The following SV2C variants were observed in gnomAD, a reference collection of about 807,000 sequenced individuals.
SV2C encodes the protein solute carrier family 22 member B3.
A neutral mutation model predicts 79.7 loss-of-function variants in SV2C; 49 were observed. The observed-to-expected ratio is 0.61, with a 90% CI of 0.49 to 0.78. The LOEUF is 0.78. Ranked by LOEUF, SV2C falls within the 30% of genes least tolerant of loss-of-function variation. The probability of loss-of-function intolerance (pLI) is 0.00; values close to 1 mark genes in which losing one functional copy is unlikely to be tolerated. For synonymous variants in SV2C, 334 were observed against 333.2 expected (o/e 1.00, Z -0.03); for missense variants, 833 against 912.9 (o/e 0.91, Z 1.13).
intron 12 of SV2C, among the ~76,000 whole-genome samples, chr5:76,323,548 A>C (rs1457618507): frequency 6.6e-6 from 1 of 152,250 alleles, no homozygotes; most frequent in Non-Finnish European, 1.5e-5. Context: ...ATGTACCCAA[A>C]GGAATATAAA....
At chr5:76,270,474 T>C (rs763114496) in intron 4 of SV2C, among the ~76,000 whole-genome samples, 6 of 152,264 alleles carry the variant, frequency 3.9e-5, no homozygotes, top group Non-Finnish European at 7.4e-5. Context: ...AGCCTGAGAG[T>C]GGGCTGGAGA....
the SV2C span, among the ~76,000 whole-genome samples, chr5:75,990,423 T>C: frequency 9.2e-5 from 14 of 152,020 alleles, no homozygotes; most frequent in Non-Finnish European, 1.6e-4. Context: ...ACATTTCTCC[T>C]GCATCATGTG....
At position 76,218,891 on chromosome 5, in the gene SV2C, GGGA is replaced by G. The variant is rs1272189696; in HGVS notation, c.913+9008_913+9010del. On this transcript the variant is annotated intron_variant, in intron 4 of 12. Coordinates refer to ENST00000502798, the MANE Select transcript of SV2C (RefSeq NM_014979.4). Reference sequence around the variant, plus strand: ...ATATTTGGGACTGAAGTTTGGGTCAGGGAGGAAGAATTAAAAAGAGGAATATTT... The same window carrying G: ...ATATTTGGGACTGAAGTTTGGGTCAGGGAAGAATTAAAAAGAGGAATATTT... Among the ~76,000 whole-genome samples, 3 of 1,004 alleles carry G rather than the reference GGGA, an allele frequency of 3.0e-3. No homozygotes were observed. In the Admixed American group the frequency reaches 0.032, roughly 11 times the overall value. The allele number at this position is 1,004 out of a possible 152,430, so 0.7% of individuals were successfully genotyped here.
chr5:76,278,228 C>T (rs1231402998), intron 4 of SV2C, among the ~76,000 whole-genome samples: 1 of 151,700 alleles, frequency 6.6e-6, no homozygotes, highest in Non-Finnish European at 1.5e-5. Flanking sequence ...TGGACTAGCA[C>T]TTGCTTAGGA....
At chr5:75,944,432 A>C in the SV2C span, among the ~76,000 whole-genome samples, 1 of 152,180 alleles carries the variant, frequency 6.6e-6, no homozygotes, top group South Asian at 2.1e-4. Flanking sequence ...TTTTTATTAC[A>C]AAAATTCCTG....
chr5:76,016,409 C>T, the SV2C span, among the ~76,000 whole-genome samples: 1 of 152,080 alleles, frequency 6.6e-6, no homozygotes, highest in African/African-American at 2.4e-5. Flanking sequence ...CCAACCAAAC[C>T]ACATGGAATG....
chr5:75,917,078 C>T, the SV2C span, among the ~76,000 whole-genome samples: 1 of 152,220 alleles, frequency 6.6e-6, no homozygotes, highest in Non-Finnish European at 1.5e-5. Context: ...CACTGCCTTT[C>T]CTTCCCTATC....
intron 2 of SV2C, among the ~76,000 whole-genome samples, chr5:76,139,856 A>ATTTTTTTTTTTTTTTT (rs3079931): frequency 1.5e-5 from 1 of 65,356 alleles, no homozygotes; most frequent in African/African-American, 4.8e-5. Flanking sequence ...TCTTGAAAGT[A>ATTTTTTTTTTTTTTTT]TTTTTTTTTT....
the SV2C span, among the ~76,000 whole-genome samples, chr5:76,039,774 G>GA: frequency 7.3e-6 from 1 of 137,696 alleles, no homozygotes; most frequent in African/African-American, 2.7e-5. Flanking sequence ...AAAAAAAAAA[G>GA]AAAGAAAAGA....
the SV2C span, among the ~76,000 whole-genome samples, chr5:75,994,522 T>A: frequency 6.6e-6 from 1 of 152,026 alleles, no homozygotes; most frequent in South Asian, 2.1e-4. Context: ...TTCTTTGCCA[T>A]AAAGTGAGGG....
chr5:76,243,012 T>TAAAAAAAAAA (rs559052290), intron 4 of SV2C, among the ~76,000 whole-genome samples: 43 of 49,922 alleles, frequency 8.6e-4, no homozygotes, highest in African/African-American at 2.0e-3. Flanking sequence ...AGACCCCATC[T>TAAAAAAAAAA]AAAAAAAAAA....
the SV2C span, among the ~76,000 whole-genome samples, chr5:76,049,095 T>A: frequency 6.6e-6 from 1 of 151,620 alleles, no homozygotes. Context: ...CCCAACTCTT[T>A]GGGAGGCCGA....
the SV2C span, among the ~76,000 whole-genome samples, chr5:75,856,040 T>C: frequency 1.3e-5 from 2 of 152,200 alleles, no homozygotes; most frequent in South Asian, 4.1e-4. Context: ...TCTGAACGTG[T>C]AAGTTTATCT....
At chr5:76,298,959 G>A in intron 10 of SV2C, 32 bp downstream of exon 10, 1 of 1,606,830 alleles carries the variant, frequency 6.2e-7, no homozygotes, top group South Asian at 1.1e-5. Context: ...GCCTCTACCT[G>A]AGGCCTCTCC....
At chr5:76,034,492 A>G in the SV2C span, among the ~76,000 whole-genome samples, 1 of 152,230 alleles carries the variant, frequency 6.6e-6, no homozygotes, top group African/African-American at 2.4e-5. Context: ...CCTTTTCTGC[A>G]TCTGTTGAGA....
At chr5:75,931,357 C>T in the SV2C span, among the ~76,000 whole-genome samples, 1 of 152,212 alleles carries the variant, frequency 6.6e-6, no homozygotes, top group East Asian at 1.9e-4. Context: ...AGTCAATCAT[C>T]TGCCATGAGT....
chr5:76,115,440 C>T (rs1441267688), intron 1 of SV2C, among the ~76,000 whole-genome samples: 3 of 152,162 alleles, frequency 2.0e-5, no homozygotes, highest in African/African-American at 7.2e-5. Flanking sequence ...ATCATAGATA[C>T]GTATCAAGCA....
the SV2C span, among the ~76,000 whole-genome samples, chr5:76,004,027 A>T: frequency 1.3e-5 from 2 of 152,026 alleles, no homozygotes; most frequent in Non-Finnish European, 2.9e-5. Context: ...GCAGGCTCTG[A>T]TGAATGGAGC....
chr5:75,946,383 T>A, the SV2C span, among the ~76,000 whole-genome samples: 1 of 152,166 alleles, frequency 6.6e-6, no homozygotes, highest in Non-Finnish European at 1.5e-5. Context: ...TTGATCATAT[T>A]TCTGTGACTT....
Sources: allele counts gnomAD v4.1 joint callset (sites outside exome capture counted in the v4.1 genomes callset), GRCh38; gene constraint gnomAD v4.1.1; transcripts MANE v1.5; gene names NCBI Gene and HGNC (gene_info 2026-07-23, HGNC 2026-07-21).